Variants in SCD5 observed in about 807,000 individuals in gnomAD.
The protein encoded by SCD5 is stearoyl-CoA desaturase 5.
In SCD5, 20 loss-of-function variants were observed where a neutral mutation model predicts 30.4. That is an observed-to-expected ratio of 0.66 (90% CI 0.46 to 0.96). The LOEUF (loss-of-function observed/expected upper bound fraction) is 0.96. SCD5 is among the 40% of genes least tolerant of loss of function. The probability of loss-of-function intolerance (pLI) is 0.00; values close to 1 mark genes in which losing one functional copy is unlikely to be tolerated. For missense variants in SCD5, 381 were observed against 443.3 expected (o/e 0.86, Z 1.26); for synonymous variants, 173 against 176.4 (o/e 0.98, Z 0.16).
chr4:82,686,009 A>G (rs1302466746), intron 2 of SCD5, among the ~76,000 whole-genome samples: 1 of 147,188 alleles, frequency 6.8e-6, no homozygotes, highest in Non-Finnish European at 1.5e-5. Flanking sequence ...TGGCTTATGC[A>G]CTTTTTTTTT....
At chr4:82,714,076 T>C (rs529400429) in intron 1 of SCD5, among the ~76,000 whole-genome samples, 1 of 152,338 alleles carries the variant, frequency 6.6e-6, no homozygotes, top group East Asian at 1.9e-4. Context: ...TACTCAGAAA[T>C]TCCTGTCTGC....
chr4:82,681,770 CTTAAAAG>C (rs760724996), intron 2 of SCD5, among the ~76,000 whole-genome samples: 95 of 152,190 alleles, frequency 6.2e-4, no homozygotes, highest in African/African-American at 1.6e-3. Context: ...TACCTCTGAA[CTTAAAAG>C]TTAAAAAAAA....
chr4:82,716,260 C>T (rs971603341), intron 1 of SCD5, among the ~76,000 whole-genome samples: 6 of 151,742 alleles, frequency 4.0e-5, no homozygotes, highest in Non-Finnish European at 7.3e-5. Flanking sequence ...AATGTCAGCT[C>T]CTTCCACACA....
intron 2 of SCD5, among the ~76,000 whole-genome samples, chr4:82,687,997 A>G (rs1185688371): frequency 1.3e-5 from 2 of 152,236 alleles, no homozygotes; most frequent in African/African-American, 4.8e-5. Flanking sequence ...ATCTGAAACC[A>G]GAATCATTGA....
At chr4:82,705,959 C>T (rs1216466307) in intron 1 of SCD5, among the ~76,000 whole-genome samples, 3 of 152,218 alleles carry the variant, frequency 2.0e-5, no homozygotes, top group Non-Finnish European at 4.4e-5. Context: ...AAGATTTACC[C>T]TTAACTCTAA....
At chr4:82,743,139 G>T (rs1251807717) in intron 1 of SCD5, among the ~76,000 whole-genome samples, 1 of 152,168 alleles carries the variant, frequency 6.6e-6, no homozygotes, top group Non-Finnish European at 1.5e-5. Flanking sequence ...TCGATTATCA[G>T]CTTGGGCTGG....
chr4:82,786,709 T>C (rs1165109084), intron 1 of SCD5, among the ~76,000 whole-genome samples: 1 of 150,980 alleles, frequency 6.6e-6, no homozygotes, highest in African/African-American at 2.4e-5. Context: ...GGAGAATCGC[T>C]TGAACCCAGA....
At chr4:82,699,573 T>G (rs1378822562) in intron 2 of SCD5, among the ~76,000 whole-genome samples, 78 of 1,414 alleles carry the variant, frequency 0.055, no homozygotes, top group African/African-American at 0.097. Context: ...GTTTTTTGTT[T>G]TTTTTTTTTT....
chr4:82,706,056 C>A (rs569733661), intron 1 of SCD5, among the ~76,000 whole-genome samples: 3 of 152,320 alleles, frequency 2.0e-5, no homozygotes, highest in African/African-American at 4.8e-5. Flanking sequence ...ACACAAACAA[C>A]AATCTGCCCA....
At chr4:82,635,631 A>AAAAT (rs1727411147) in intron 4 of SCD5, among the ~76,000 whole-genome samples, 1 of 151,292 alleles carries the variant, frequency 6.6e-6, no homozygotes, top group Admixed American at 6.6e-5. Flanking sequence ...AAAAAAAAAA[A>AAAAT]AAAAAAGCAA....
intron 1 of SCD5, among the ~76,000 whole-genome samples, chr4:82,752,343 G>C (rs1721122523): frequency 1.3e-5 from 2 of 151,662 alleles, no homozygotes; most frequent in South Asian, 4.2e-4. Context: ...GTGGCTCTTA[G>C]TGAGGTGGAA....
At chr4:82,666,473 C>CCACT (rs1728192301) in intron 3 of SCD5, among the ~76,000 whole-genome samples, 1 of 151,724 alleles carries the variant, frequency 6.6e-6, no homozygotes, top group African/African-American at 2.4e-5. Context: ...CCGGATCGCG[C>CCACT]CACTGCACTC....
chr4:82,708,921 T>TAATAGCTACCAC (rs1553917028), intron 1 of SCD5, among the ~76,000 whole-genome samples: 12 of 30,890 alleles, frequency 3.9e-4, no homozygotes, highest in Non-Finnish European at 8.8e-4. Context: ...ATAAATAATA[T>TAATAGCTACCAC]TGACTGAGAG....
intron 1 of SCD5, among the ~76,000 whole-genome samples, chr4:82,769,984 T>C (rs1721582836): frequency 6.6e-6 from 1 of 152,128 alleles, no homozygotes; most frequent in Non-Finnish European, 1.5e-5. Flanking sequence ...CATTTGTTTT[T>C]CCCCTCCCAC....
At chr4:82,652,147 C>T (rs4693478) in intron 3 of SCD5, among the ~76,000 whole-genome samples, 84,663 of 151,866 alleles carry the variant, frequency 0.56, 24,652 homozygotes, top group Admixed American at 0.68. Context: ...CACAGTGTCA[C>T]GAAATAGCCT....
chr4:82,645,888 ACT>A (rs1727625375), intron 3 of SCD5, among the ~76,000 whole-genome samples: 1 of 152,104 alleles, frequency 6.6e-6, no homozygotes, highest in Non-Finnish European at 1.5e-5. Context: ...GCATCTTCAA[ACT>A]CTCATTTTTC....
intron 1 of SCD5, among the ~76,000 whole-genome samples, chr4:82,747,012 C>T (rs1721003046): frequency 6.7e-6 from 1 of 148,986 alleles, no homozygotes; most frequent in Non-Finnish European, 1.5e-5. Flanking sequence ...AGTGGAATGA[C>T]ACAGGCACCA....
chr4:82,747,417 T>C (rs967351358), intron 1 of SCD5, among the ~76,000 whole-genome samples: 9 of 152,204 alleles, frequency 5.9e-5, no homozygotes, highest in Non-Finnish European at 1.3e-4. Context: ...TCCCTTTCTC[T>C]TACCCACTGC....
At position 82,709,562 on chromosome 4, in the gene SCD5, G is replaced by C. The variant is rs72916873; in HGVS notation, c.233-4149C>G. ...ATTTAGGCTAACACTTAAAAGATAA[G>C]AAGTCAACTGAGCAAGGTCCAGAGG... On this transcript the variant is annotated intron_variant, in intron 1 of 4. Transcript: ENST00000319540. Among the ~76,000 whole-genome samples, 679 of 152,312 alleles carry C rather than the reference G, an allele frequency of 4.5e-3. 7 individuals carry two copies. The highest frequency in any genetic ancestry group is 0.015 in the African/African-American group (636 of 41,556).
Sources: gnomAD v4.1 joint callset for allele counts (sites outside exome capture counted in the v4.1 genomes callset) on GRCh38, gnomAD v4.1.1 for gene constraint, MANE v1.5 for transcripts, NCBI Gene and HGNC (gene_info 2026-07-23, HGNC 2026-07-21) for gene names.